Variants in LRRC34 observed in about 807,000 individuals in gnomAD.
The protein encoded by LRRC34 is leucine rich repeat containing 34.
A neutral mutation model predicts 48.5 loss-of-function variants in LRRC34; 44 were observed. That is an observed-to-expected ratio of 0.91 (90% CI 0.71 to 1.17). LRRC34 has a LOEUF of 1.17. LRRC34 is among the 50% of genes most tolerant of loss of function. The probability of loss-of-function intolerance (pLI) is 0.00; values close to 1 mark genes in which losing one functional copy is unlikely to be tolerated. For synonymous variants in LRRC34, 192 were observed against 197.6 expected, an observed-to-expected ratio of 0.97 and a Z score of 0.24; for missense variants, 502 against 563.0, an observed-to-expected ratio of 0.89 and a Z score of 1.10.
At chr3:169,802,760 G>A (rs1223518411) in intron 6 of LRRC34, among the ~76,000 whole-genome samples, 2 of 152,068 alleles carry the variant, frequency 1.3e-5, no homozygotes, top group African/African-American at 4.8e-5. Flanking sequence ...ATCACCTGAG[G>A]TCGGGAGTTT....
intron 5 of LRRC34, among the ~76,000 whole-genome samples, chr3:169,806,471 G>C (rs1349883221): frequency 1.3e-5 from 2 of 152,144 alleles, no homozygotes; most frequent in Non-Finnish European, 2.9e-5. Flanking sequence ...GACTGCCAGG[G>C]GCTGGAGAGC....
At chr3:169,801,906 G>A (rs1779205093) in intron 6 of LRRC34, among the ~76,000 whole-genome samples, 1 of 152,170 alleles carries the variant, frequency 6.6e-6, no homozygotes, top group Non-Finnish European at 1.5e-5. Context: ...GACCTGCTGG[G>A]TTCAAGCAAT....
chr3:169,793,751 C>G lies in LRRC34; in HGVS notation c.1279G>C (p.Ala427Pro). The change falls in exon 11 of 11, where the codon GCA becomes CCA. Residue 427 changes from alanine (A) to proline (P), a missense_variant. By Grantham distance (27) the Ala-to-Pro change is conservative. Coordinates refer to ENST00000446859, the MANE Select transcript of LRRC34 (RefSeq NM_001172779.2). ...TTTTTAAGGCCATTGGAGACTTCTG[C>G]AAGATATACACGTCCATCTACCACA... ...PFVVDGRVYL[A>P]EVSNGLKKHY... The G allele has an allele frequency of 6.2e-7, 1 of 1,613,540 alleles. No homozygotes were observed.
chr3:169,796,765 C>T lies in LRRC34; in HGVS notation c.888G>A (p.Leu296=). The change falls in exon 8 of 11, where the codon CTG becomes CTA. Residue 296 remains leucine (L), a synonymous_variant. Coordinates refer to ENST00000446859, the MANE Select transcript of LRRC34 (RefSeq NM_001172779.2). ...LCDALYLNSS[L]RYLDVSCNKI... ...CTTACCAGCTGACATCAAGGTAGCG[C>T]AGGCTACTGTTCAGATACAGTGCAT... The T allele has an allele frequency of 6.2e-7, 1 of 1,606,768 alleles. No homozygotes were observed. The highest frequency in any genetic ancestry group is 1.3e-5 in the African/African-American group (1 of 74,798).
chr3:169,807,879 T>G lies in LRRC34; in HGVS notation c.258-170A>C, dbSNP rs976923080. ...TACAGTATATTTATACCAGGTAACT[T>G]AAAACTACTGAACATTCTGCAGACT... On this transcript the variant is annotated intron_variant, in intron 2 of 10. Coordinates refer to ENST00000446859, the MANE Select transcript of LRRC34 (RefSeq NM_001172779.2). 7.9e-6 allele frequency: 6 copies of G among 763,248 alleles called. No individual in the cohort carries two copies. In the Admixed American group the frequency reaches 1.8e-4, roughly 23 times the overall value. The allele number at this position is 763,248 out of a possible 1,614,324, so 47.3% of individuals were successfully genotyped here.
chr3:169,800,048 G>GC (rs1353913699), intron 7 of LRRC34, among the ~76,000 whole-genome samples: 1 of 152,114 alleles, frequency 6.6e-6, no homozygotes, highest in African/African-American at 2.4e-5. Context: ...TTTATAAAGT[G>GC]CTTTGACCAT....
chr3:169,793,150 T>C lies in LRRC34; in HGVS notation c.*485A>G, dbSNP rs555906495. On this transcript the variant is annotated 3_prime_UTR_variant, in exon 11 of 11. Coordinates refer to ENST00000446859, the MANE Select transcript of LRRC34 (RefSeq NM_001172779.2). ...TGGGAAAGGGGTATGTATATGTTTA[T>C]ATATATTTGCCTGTATTTATGAAAT... 2.6e-5 allele frequency among the ~76,000 whole-genome samples: 4 copies of C among 152,292 alleles called. No individual in the cohort carries two copies. The East Asian group carries it at 7.7e-4, about 29-fold the overall frequency.
At chr3:169,811,669 T>C (rs1779574965) in intron 1 of LRRC34, among the ~76,000 whole-genome samples, 1 of 152,196 alleles carries the variant, frequency 6.6e-6, no homozygotes, top group Admixed American at 6.5e-5. Flanking sequence ...AAAACATGCT[T>C]TTCTATACTT....
intron 7 of LRRC34, among the ~76,000 whole-genome samples, chr3:169,799,324 A>C (rs773865790): frequency 1.3e-5 from 2 of 152,224 alleles, no homozygotes; most frequent in Non-Finnish European, 2.9e-5. Flanking sequence ...GAAGTAGATA[A>C]TTTTAAATTA....
At position 169,812,383 on chromosome 3, in the gene LRRC34, C is replaced by G; in HGVS notation, c.139+27G>C. 1 of 1,519,634 alleles carries G rather than the reference C, an allele frequency of 6.6e-7. No homozygotes were observed. The highest frequency in any genetic ancestry group is 8.8e-7 in the Non-Finnish European group (1 of 1,140,540). 94.1% of individuals were successfully genotyped at this position (1,519,634 alleles called of 1,614,324 possible). Reference sequence around the variant, plus strand: ...CTCGCGCGTTTTGTCTGGGCCAGGCCGCGCAGACGTGCTCCCTACTTCTTA... The same window carrying G: ...CTCGCGCGTTTTGTCTGGGCCAGGCGGCGCAGACGTGCTCCCTACTTCTTA... On this transcript the variant is annotated intron_variant, in intron 1 of 10. Coordinates refer to ENST00000446859, the MANE Select transcript of LRRC34 (RefSeq NM_001172779.2). The surrounding 1 kb of genome is among the most constrained non-coding windows in gnomAD (Gnocchi z 4.3).
intron 9 of LRRC34, chr3:169,795,849 G>T: frequency 8.5e-7 from 1 of 1,183,312 alleles, no homozygotes; most frequent in African/African-American, 1.6e-5. Context: ...AAATGTTTGG[G>T]TGGATAGCAG....
chr3:169,805,700 C>T (rs922465030), intron 5 of LRRC34, among the ~76,000 whole-genome samples: 2 of 151,958 alleles, frequency 1.3e-5, no homozygotes, highest in South Asian at 2.1e-4. Flanking sequence ...GCCTGACCAG[C>T]GTGGAGAAAC....
Position 169,807,412 on chromosome 3 carries a change from T to A in LRRC34, c.444+14A>T. On this transcript the variant is annotated intron_variant, in intron 4 of 10. Transcript: ENST00000446859. ...TGTAAATGGAACTAAGGACATTTTG[T>A]AGTAAAATAATACCTGAAGCAGTTT... The A allele has an allele frequency of 6.2e-7, 1 of 1,610,478 alleles. No homozygotes were observed. Among genetic ancestry groups the A allele is most frequent in the Non-Finnish European group, 8.5e-7 (1 of 1,176,766 alleles).
Position 169,812,262 on chromosome 3 carries a change from TG to T in LRRC34, c.139+147del. 1 of 1,117,762 alleles carries T rather than the reference TG, an allele frequency of 8.9e-7. No individual in the cohort carries two copies. The highest frequency in any genetic ancestry group is 1.2e-6 in the Non-Finnish European group (1 of 830,662). The allele number at this position is 1,117,762 out of a possible 1,614,324, so 69.2% of individuals were successfully genotyped here. On this transcript the variant is annotated intron_variant, in intron 1 of 10. Transcript: ENST00000446859. This position sits in a 1 kb window ranked among gnomAD's most constrained non-coding sequence, Gnocchi z 4.3. ...CTCGTTTCTGGGCGCCCCAAACCTC[TG>T]GCCACAGCTGGGGTTCCCAGGGGCC...
At chr3:169,797,233 C>T (rs1156495346) in intron 7 of LRRC34, among the ~76,000 whole-genome samples, 1 of 152,116 alleles carries the variant, frequency 6.6e-6, no homozygotes, top group East Asian at 1.9e-4. Flanking sequence ...ATGTATTGAG[C>T]ATGTAATCCA....
intron 1 of LRRC34, among the ~76,000 whole-genome samples, chr3:169,810,764 A>G (rs1779533166): frequency 6.6e-6 from 1 of 152,172 alleles, no homozygotes; most frequent in Admixed American, 6.5e-5. Flanking sequence ...AATAGGGAGG[A>G]TAAGAATGCT....
At chr3:169,806,806 A>C (rs765049944) in intron 5 of LRRC34, 42 bp downstream of exon 5, 5 of 1,295,724 alleles carry the variant, frequency 3.9e-6, no homozygotes, top group Non-Finnish European at 5.5e-6. Context: ...AGAAGTTAGA[A>C]TTTCCAAATA....
Position 169,807,432 on chromosome 3 carries a change from C to G in LRRC34, c.438G>C (p.Leu146=). 6.2e-7 allele frequency: 1 copy of G among 1,613,670 alleles called. No homozygotes were observed. Among genetic ancestry groups the G allele is most frequent in the Non-Finnish European group, 8.5e-7 (1 of 1,179,704 alleles). ...TTTTGTAGTAAAATAATACCTGAAG[C>G]AGTTTCGCAGCATAGTATGCACCAA... is the stretch of plus-strand genomic sequence containing the variant. ...CDVGAYYAAK[L]LQKQLNLIYL... The change falls in exon 4 of 11, where the codon CTG becomes CTC. Residue 146 remains leucine (L), a synonymous_variant. Transcript: ENST00000446859.
intron 5 of LRRC34, among the ~76,000 whole-genome samples, chr3:169,805,014 C>T (rs1779325116): frequency 2.0e-5 from 3 of 152,176 alleles, no homozygotes; most frequent in Admixed American, 2.0e-4. Context: ...AAATCACAGA[C>T]ATTTCATCAT....
Sources: gnomAD v4.1 joint callset for allele counts (sites outside exome capture counted in the v4.1 genomes callset) on GRCh38, gnomAD v4.1.1 for gene constraint, Gnocchi (gnomAD v3.1) non-coding constraint, MANE v1.5 for transcripts, NCBI Gene and HGNC (gene_info 2026-07-23, HGNC 2026-07-21) for gene names.